The following EBF1 variants were observed in gnomAD, a reference collection of about 807,000 sequenced individuals.
The protein encoded by EBF1 is EBF transcription factor 1, also known as transcription factor COE1.
EBF1 carries 10 observed loss-of-function variants against 68.4 expected under a neutral mutation model. The ratio of observed to expected loss-of-function variants is 0.15; its 90% confidence interval spans 0.09 to 0.25. The LOEUF (loss-of-function observed/expected upper bound fraction) is 0.25. Ranked by LOEUF, EBF1 falls within the 10% of genes least tolerant of loss-of-function variation. The pLI is 1.00. For missense variants in EBF1, 509 were observed against 794.4 expected (o/e 0.64, Z 4.32); for synonymous variants, 298 against 299.8 (o/e 0.99, Z 0.06).
intron 8 of EBF1, among the ~76,000 whole-genome samples, chr5:158,812,035 C>T (rs2127799672): frequency 6.6e-6 from 1 of 152,318 alleles, no homozygotes; most frequent in South Asian, 2.1e-4. Context: ...CAGTTTAAAT[C>T]ATTCCGTGTG....
intron 6 of EBF1, among the ~76,000 whole-genome samples, chr5:158,916,904 GT>G (rs1562293692): frequency 1.3e-5 from 2 of 152,160 alleles, no homozygotes. Context: ...CATAAACATT[GT>G]CTTTCCTTCT....
intron 6 of EBF1, among the ~76,000 whole-genome samples, chr5:159,003,909 C>A (rs1463279948): frequency 6.6e-6 from 1 of 152,178 alleles, no homozygotes; most frequent in African/African-American, 2.4e-5. Context: ...GACTGCAAAG[C>A]CAGAACTGTG....
chr5:158,826,216 C>G (rs1161041733), intron 7 of EBF1, among the ~76,000 whole-genome samples: 1 of 152,126 alleles, frequency 6.6e-6, no homozygotes, highest in African/African-American at 2.4e-5. Flanking sequence ...CCCAGAGAAA[C>G]AGATGATGAG....
intron 6 of EBF1, among the ~76,000 whole-genome samples, chr5:158,977,748 A>G (rs1017556382): frequency 6.6e-6 from 1 of 152,196 alleles, no homozygotes; most frequent in African/African-American, 2.4e-5. Context: ...ACTTAGTAAG[A>G]ATGCCATGGC....
At chr5:158,844,010 G>A (rs1353150726) in intron 6 of EBF1, among the ~76,000 whole-genome samples, 2 of 152,174 alleles carry the variant, frequency 1.3e-5, no homozygotes, top group Middle Eastern at 3.4e-3. Flanking sequence ...GCTGCATTTT[G>A]TGAGGCGGGT....
intron 6 of EBF1, among the ~76,000 whole-genome samples, chr5:159,054,963 A>G (rs1038983559): frequency 5.3e-5 from 8 of 152,234 alleles, no homozygotes; most frequent in Non-Finnish European, 1.2e-4. Context: ...CAATAAATTT[A>G]AATATAACAA....
At chr5:158,915,529 G>T (rs1806988907) in intron 6 of EBF1, among the ~76,000 whole-genome samples, 1 of 152,170 alleles carries the variant, frequency 6.6e-6, no homozygotes, top group Admixed American at 6.5e-5. Flanking sequence ...TCATGAACAA[G>T]AACTTTTAAC....
chr5:158,722,692 T>C (rs1762178436), intron 11 of EBF1, among the ~76,000 whole-genome samples: 1 of 152,240 alleles, frequency 6.6e-6, no homozygotes, highest in Non-Finnish European at 1.5e-5. Flanking sequence ...CTGTAAATGA[T>C]AATTCTCAAG....
chr5:158,901,485 T>C (rs905237462), intron 6 of EBF1, among the ~76,000 whole-genome samples: 4 of 152,240 alleles, frequency 2.6e-5, no homozygotes, highest in African/African-American at 9.6e-5. Context: ...TTCTGGTTCA[T>C]TCATTCCCTC....
intron 6 of EBF1, among the ~76,000 whole-genome samples, chr5:158,956,464 C>G (rs1479807653): frequency 6.7e-6 from 1 of 149,592 alleles, no homozygotes; most frequent in Non-Finnish European, 1.5e-5. Flanking sequence ...CACACATAGA[C>G]ACACACACAC....
chr5:158,722,629 C>T (rs1762163047), intron 11 of EBF1, among the ~76,000 whole-genome samples: 1 of 152,222 alleles, frequency 6.6e-6, no homozygotes, highest in Non-Finnish European at 1.5e-5. Context: ...GCTTCTTCAA[C>T]TGTTGAGCAT....
Position 159,051,780 on chromosome 5 carries a change from G to C in EBF1, c.554+21616C>G, listed in dbSNP as rs550568122. Among the ~76,000 whole-genome samples, 19 of 152,194 alleles carry C rather than the reference G, an allele frequency of 1.2e-4. No homozygotes were observed. The East Asian group carries it at 3.7e-3, about 30-fold the overall frequency. On this transcript the variant is annotated intron_variant, in intron 6 of 15. Coordinates refer to ENST00000313708, the MANE Select transcript of EBF1 (RefSeq NM_024007.5). ...CCAGCCGATCCCGCTTTGCAGTTGT[G>C]CACAATCACAATCGCAGCCAGCAGT...
At position 158,699,123 on chromosome 5, in the gene EBF1, A is replaced by G; in HGVS notation, c.1764T>C (p.Val588=). The G allele has an allele frequency of 8.1e-6, 13 of 1,609,722 alleles. No individual in the cohort carries two copies. The highest frequency in any genetic ancestry group is 1.1e-5 in the Non-Finnish European group (13 of 1,178,112). ...CAAGGCAATTCTTTCACATAGGAGGAACAATCATGCCAGATATCGCTATGA... is the reference window on the plus strand; with the variant it reads ...CAAGGCAATTCTTTCACATAGGAGGGACAATCATGCCAGATATCGCTATGA... ...NSLQAISGMI[V]PPM The change falls in exon 16 of 16, where the codon GTT becomes GTC. Residue 588 remains valine (V), a synonymous_variant. Coordinates refer to ENST00000313708, the MANE Select transcript of EBF1 (RefSeq NM_024007.5).
Position 158,698,138 on chromosome 5 carries a change from A to G in EBF1, c.*973T>C. 1 of 220,188 alleles carries G rather than the reference A, an allele frequency of 4.5e-6. No individual in the cohort carries two copies. The highest frequency in any genetic ancestry group is 6.6e-5 in the East Asian group (1 of 15,216). 13.6% of individuals were successfully genotyped at this position (220,188 alleles called of 1,614,324 possible). ...GATAGGTATGAAGTCTGCATTTAGG[A>G]CGAGTAAACTTTAAACTTGCAAATG... On this transcript the variant is annotated 3_prime_UTR_variant, in exon 16 of 16. Coordinates refer to ENST00000313708, the MANE Select transcript of EBF1 (RefSeq NM_024007.5).
At chr5:158,968,398 G>A (rs577533065) in intron 6 of EBF1, among the ~76,000 whole-genome samples, 6 of 152,224 alleles carry the variant, frequency 3.9e-5, no homozygotes, top group East Asian at 1.9e-4. Context: ...TGCCACTGCC[G>A]GCAAATTAAA....
chr5:159,012,432 G>A (rs987135063), intron 6 of EBF1, among the ~76,000 whole-genome samples: 1 of 151,980 alleles, frequency 6.6e-6, no homozygotes, highest in African/African-American at 2.4e-5. Context: ...AAATTCATAT[G>A]TTGAAGTCCT....
At chr5:159,084,810 A>G in intron 4 of EBF1, 71 bp from the exon 5 acceptor site, 3 of 1,386,636 alleles carry the variant, frequency 2.2e-6, no homozygotes, top group Middle Eastern at 1.9e-4. Flanking sequence ...ATCACAATTG[A>G]GTTCTTAACC....
intron 1 of EBF1, chr5:159,097,444 G>A (rs763004075): frequency 4.5e-5 from 16 of 353,908 alleles, no homozygotes; most frequent in Non-Finnish European, 7.7e-5. Flanking sequence ...CACGCACTGC[G>A]TGGGGAGGAA....
chr5:158,902,587 T>C (rs886714048), intron 6 of EBF1, among the ~76,000 whole-genome samples: 2 of 148,702 alleles, frequency 1.3e-5, no homozygotes, highest in Admixed American at 1.3e-4. Context: ...CCACCACACC[T>C]GAATAATTTT....
Sources: allele counts gnomAD v4.1 joint callset (sites outside exome capture counted in the v4.1 genomes callset), GRCh38; gene constraint gnomAD v4.1.1; transcripts MANE v1.5; gene names NCBI Gene and HGNC (gene_info 2026-07-23, HGNC 2026-07-21).